Variants in STXBP5L observed in about 807,000 individuals in gnomAD.
The protein encoded by STXBP5L is syntaxin-binding protein 5-like.
Under a neutral mutation model 144.5 loss-of-function variants are expected in STXBP5L, and 65 were observed. The observed-to-expected ratio is 0.45, with a 90% CI of 0.37 to 0.55. STXBP5L has a LOEUF of 0.55. STXBP5L is among the 20% of genes least tolerant of loss of function. The probability of loss-of-function intolerance (pLI) is 0.00; values close to 1 mark genes in which losing one functional copy is unlikely to be tolerated. For missense variants in STXBP5L, 1,298 were observed against 1,405.5 expected, an observed-to-expected ratio of 0.92 and a Z score of 1.22; for synonymous variants, 505 against 469.6, an observed-to-expected ratio of 1.08 and a Z score of -0.97.
At chr3:121,071,887 A>G (rs1309117569) in intron 5 of STXBP5L, among the ~76,000 whole-genome samples, 1 of 152,176 alleles carries the variant, frequency 6.6e-6, no homozygotes, top group Non-Finnish European at 1.5e-5. Flanking sequence ...ATACCCAGTT[A>G]CTTTAGTAGG....
intron 14 of STXBP5L, among the ~76,000 whole-genome samples, chr3:121,250,286 A>C (rs1198364266): frequency 6.6e-6 from 1 of 152,046 alleles, no homozygotes; most frequent in Non-Finnish European, 1.5e-5. Context: ...TTACCAAATA[A>C]TGATGCAACT....
intron 5 of STXBP5L, among the ~76,000 whole-genome samples, chr3:121,068,732 A>C (rs199630329): frequency 6.6e-6 from 1 of 152,002 alleles, no homozygotes; most frequent in Admixed American, 6.6e-5. Flanking sequence ...GTTTATATTC[A>C]TATATATTTA....
At chr3:121,105,894 A>G (rs6780326) in intron 5 of STXBP5L, among the ~76,000 whole-genome samples, 15,032 of 152,200 alleles carry the variant, frequency 0.099, 1,171 homozygotes, top group Admixed American at 0.2. Flanking sequence ...GTAAAGAGCC[A>G]TAAGTGTGAA....
intron 7 of STXBP5L, among the ~76,000 whole-genome samples, chr3:121,132,324 C>T (rs1037596340): frequency 6.6e-6 from 1 of 152,178 alleles, no homozygotes; most frequent in Non-Finnish European, 1.5e-5. Flanking sequence ...CACATCTCAC[C>T]AGTCCTGAAG....
intron 2 of STXBP5L, among the ~76,000 whole-genome samples, chr3:120,945,815 A>T (rs1710823952): frequency 6.6e-6 from 1 of 151,792 alleles, no homozygotes; most frequent in African/African-American, 2.4e-5. Context: ...ATCTTATATT[A>T]ATTATAGCAG....
chr3:121,002,944 C>T (rs919276247), intron 3 of STXBP5L, among the ~76,000 whole-genome samples: 1 of 152,124 alleles, frequency 6.6e-6, no homozygotes, highest in Admixed American at 6.6e-5. Flanking sequence ...TTTTCTTGAT[C>T]CAGTCTATTA....
intron 5 of STXBP5L, among the ~76,000 whole-genome samples, chr3:121,068,286 G>A (rs964102041): frequency 1.3e-5 from 2 of 152,236 alleles, no homozygotes; most frequent in African/African-American, 4.8e-5. Context: ...GATTACAGGC[G>A]TGAGCCAATG....
chr3:121,273,512 C>A (rs1353602461), intron 18 of STXBP5L, among the ~76,000 whole-genome samples: 2 of 151,804 alleles, frequency 1.3e-5, no homozygotes, highest in African/African-American at 4.8e-5. Flanking sequence ...TGTTTGGGAA[C>A]CTTTGAACTT....
intron 7 of STXBP5L, among the ~76,000 whole-genome samples, chr3:121,148,569 A>G (rs1164549366): frequency 6.6e-6 from 1 of 152,108 alleles, no homozygotes; most frequent in East Asian, 1.9e-4. Context: ...GATAAATGAG[A>G]CAAAGATGGC....
chr3:121,335,370 G>A (rs898204336), intron 20 of STXBP5L, among the ~76,000 whole-genome samples: 1 of 152,090 alleles, frequency 6.6e-6, no homozygotes, highest in African/African-American at 2.4e-5. Context: ...CATTAAAATT[G>A]CCATATTGCC....
At chr3:121,044,060 A>C (rs1260118610) in intron 4 of STXBP5L, among the ~76,000 whole-genome samples, 1 of 152,170 alleles carries the variant, frequency 6.6e-6, no homozygotes, top group Non-Finnish European at 1.5e-5. Flanking sequence ...CAGGCAAACA[A>C]ACACAAAAAT....
intron 5 of STXBP5L, among the ~76,000 whole-genome samples, chr3:121,050,444 A>G (rs1947879596): frequency 6.6e-6 from 1 of 152,140 alleles, no homozygotes; most frequent in African/African-American, 2.4e-5. Context: ...ATTCTTAAAG[A>G]AAAGAATTTT....
intron 20 of STXBP5L, among the ~76,000 whole-genome samples, chr3:121,332,407 CA>C (rs201605873): frequency 0.18 from 15,656 of 86,484 alleles, 1,191 homozygotes; most frequent in African/African-American, 0.31. Context: ...TAGATATTTT[CA>C]AAAAAAAAAA....
chr3:121,282,938 T>C (rs1305964931), intron 19 of STXBP5L, among the ~76,000 whole-genome samples: 1 of 151,980 alleles, frequency 6.6e-6, no homozygotes, highest in African/African-American at 2.4e-5. Flanking sequence ...TTTACCATGG[T>C]ATCAAACACA....
rs1403886054 is a variant in STXBP5L at position 121,420,046 on chromosome 3, T to C, written c.*949T>C. ...TATTTTAAAAGCTTCATTTGTATCCTTGTCTGCCAGTTACACAGTATATTA... is the reference window on the plus strand; with the variant it reads ...TATTTTAAAAGCTTCATTTGTATCCCTGTCTGCCAGTTACACAGTATATTA... On this transcript the variant is annotated 3_prime_UTR_variant, in exon 27 of 27. Coordinates refer to ENST00000471454, the MANE Select transcript of STXBP5L (RefSeq NM_001308330.2). 3 of 152,224 alleles carry C rather than the reference T, an allele frequency of 2.0e-5. No homozygotes were observed. The highest frequency in any genetic ancestry group is 4.8e-5 in the African/African-American group (2 of 41,474). The allele number at this position is 152,224 out of a possible 1,614,324, so 9.4% of individuals were successfully genotyped here.
intron 3 of STXBP5L, among the ~76,000 whole-genome samples, chr3:121,006,031 G>A (rs1944266701): frequency 6.6e-6 from 1 of 152,174 alleles, no homozygotes; most frequent in Non-Finnish European, 1.5e-5. Flanking sequence ...GTATTCTGAT[G>A]ATTTGGGGTG....
rs1560027258 is a variant in STXBP5L, at chr3:121,031,125, A to G, written c.288-10575A>G. Among the ~76,000 whole-genome samples the G allele has an allele frequency of 2.0e-5, 3 of 152,272 alleles. No homozygotes were observed. In the South Asian group the frequency reaches 6.2e-4, roughly 32 times the overall value. On this transcript the variant is annotated intron_variant, in intron 3 of 26. Coordinates refer to ENST00000471454, the MANE Select transcript of STXBP5L (RefSeq NM_001308330.2). ...CAGCAAGCAGTTCGTGAAACACCCC[A>G]TAAACCACATGATTAAAACCCCATA... is the stretch of plus-strand genomic sequence containing the variant.
intron 20 of STXBP5L, among the ~76,000 whole-genome samples, chr3:121,338,672 G>A (rs769863170): frequency 6.7e-6 from 1 of 149,642 alleles, no homozygotes; most frequent in South Asian, 2.1e-4. Context: ...AAGAAAAAAA[G>A]AAAGAGGAAG....
intron 5 of STXBP5L, among the ~76,000 whole-genome samples, chr3:121,065,070 A>ATTT (rs34433284): frequency 1.4e-5 from 2 of 145,638 alleles, no homozygotes; most frequent in Non-Finnish European, 3.0e-5. Context: ...AAAGGTTGTG[A>ATTT]TTTTTTTTTT....
Sources: gnomAD v4.1 joint callset for allele counts (sites outside exome capture counted in the v4.1 genomes callset) on GRCh38, gnomAD v4.1.1 for gene constraint, MANE v1.5 for transcripts, NCBI Gene and HGNC (gene_info 2026-07-23, HGNC 2026-07-21) for gene names.